RPS6KC1: variants seen among roughly 807,000 people sequenced by gnomAD.
RPS6KC1 encodes the protein ribosomal protein S6 kinase C1.
In RPS6KC1, 54 loss-of-function variants were observed where a neutral mutation model predicts 103.8. That is an observed-to-expected ratio of 0.52 (90% CI 0.42 to 0.65). RPS6KC1 has a LOEUF of 0.65. Ranked by LOEUF, RPS6KC1 falls within the 30% of genes least tolerant of loss-of-function variation. RPS6KC1 has a pLI of 0.00. For missense variants in RPS6KC1, 1,151 were observed against 1,253.8 expected, an observed-to-expected ratio of 0.92 and a Z score of 1.24; for synonymous variants, 439 against 438.7, an observed-to-expected ratio of 1.00 and a Z score of -0.01.
Position 213,240,653 on chromosome 1 carries a change from A to G in RPS6KC1, c.1226-49A>G, listed in dbSNP as rs748993010. The G allele has an allele frequency of 2.7e-6, 4 of 1,472,946 alleles. No homozygotes were observed. In the Admixed American group the frequency reaches 6.6e-5, roughly 24 times the overall value. 91.2% of individuals were successfully genotyped at this position (1,472,946 alleles called of 1,614,324 possible). A position where few individuals can be genotyped will look rare whatever the true frequency, so the allele number is the denominator to read the frequency against. ...TTTTCTAATGGCTTAAATAACTGTCAATTTGGAGATCTTAATACTTTTGTT... is the reference window on the plus strand; with the variant it reads ...TTTTCTAATGGCTTAAATAACTGTCGATTTGGAGATCTTAATACTTTTGTT... On this transcript the variant is annotated intron_variant, in intron 10 of 14. Coordinates refer to ENST00000366960, the MANE Select transcript of RPS6KC1 (RefSeq NM_012424.6).
the RPS6KC1 span, among the ~76,000 whole-genome samples, chr1:213,664,192 C>CGG: frequency 2.3e-4 from 7 of 29,870 alleles, no homozygotes; most frequent in Admixed American, 1.2e-3. Context: ...AAGAAATGAG[C>CGG]GGGGGGGCGG....
At chr1:213,790,521 A>C in the RPS6KC1 span, among the ~76,000 whole-genome samples, 2 of 152,336 alleles carry the variant, frequency 1.3e-5, no homozygotes, top group Admixed American at 6.5e-5. Context: ...ACATCTGTCC[A>C]GGTAAAAAGA....
the RPS6KC1 span, among the ~76,000 whole-genome samples, chr1:213,283,688 T>C: frequency 6.6e-6 from 1 of 152,290 alleles, no homozygotes; most frequent in South Asian, 2.1e-4. Context: ...CTGCCAGCAC[T>C]GCCTTCTAGT....
chr1:213,243,355 A>G (rs1488679409), intron 12 of RPS6KC1, among the ~76,000 whole-genome samples: 1 of 152,046 alleles, frequency 6.6e-6, no homozygotes, highest in Non-Finnish European at 1.5e-5. Context: ...CCTGGCCTCA[A>G]GCAATCCTCC....
At chr1:213,284,175 G>A in the RPS6KC1 span, among the ~76,000 whole-genome samples, 1 of 152,096 alleles carries the variant, frequency 6.6e-6, no homozygotes, top group Admixed American at 6.5e-5. Flanking sequence ...GAAAAAATTA[G>A]AAATTAAAGA....
the RPS6KC1 span, among the ~76,000 whole-genome samples, chr1:213,551,227 A>G: frequency 1.3e-5 from 2 of 152,182 alleles, no homozygotes; most frequent in African/African-American, 4.8e-5. Flanking sequence ...TGGCCACAGG[A>G]GAGACAGAGA....
At chr1:213,322,665 T>G in the RPS6KC1 span, among the ~76,000 whole-genome samples, 40 of 152,188 alleles carry the variant, frequency 2.6e-4, no homozygotes, top group Non-Finnish European at 4.1e-4. Context: ...GAGTCCATTT[T>G]CTAGACTTTT....
chr1:213,599,780 G>A, the RPS6KC1 span, among the ~76,000 whole-genome samples: 1 of 152,162 alleles, frequency 6.6e-6, no homozygotes, highest in Non-Finnish European at 1.5e-5. Context: ...CTTATGAAAT[G>A]GATCAGAATG....
intron 3 of RPS6KC1, among the ~76,000 whole-genome samples, chr1:213,098,491 A>G (rs1321376606): frequency 4.0e-5 from 6 of 151,650 alleles, no homozygotes; most frequent in Admixed American, 1.3e-4. Context: ...TCTTCCTTTC[A>G]CTTGAACACT....
chr1:213,533,932 A>C, the RPS6KC1 span, among the ~76,000 whole-genome samples: 19,092 of 152,216 alleles, frequency 0.13, 1,915 homozygotes, highest in East Asian at 0.28. Flanking sequence ...CAGTCGATCA[A>C]GGAAGGGACC....
the RPS6KC1 span, among the ~76,000 whole-genome samples, chr1:213,407,811 T>A: frequency 1.3e-5 from 2 of 152,212 alleles, no homozygotes; most frequent in African/African-American, 4.8e-5. Flanking sequence ...AGATATGTGT[T>A]CTGACTGGAC....
At chr1:213,214,768 T>A (rs922101793) in intron 8 of RPS6KC1, among the ~76,000 whole-genome samples, 4 of 152,004 alleles carry the variant, frequency 2.6e-5, no homozygotes, top group African/African-American at 9.7e-5. Flanking sequence ...GCAAACAGGG[T>A]CTGGAGTGGA....
chr1:213,109,176 G>A (rs1163155352), intron 4 of RPS6KC1, among the ~76,000 whole-genome samples: 1 of 152,154 alleles, frequency 6.6e-6, no homozygotes, highest in African/African-American at 2.4e-5. Flanking sequence ...TCGCTCTGTT[G>A]CCCAGGCTGG....
At chr1:213,129,958 A>G (rs1011173612) in intron 6 of RPS6KC1, 69 bp downstream of exon 6, 22 of 1,400,650 alleles carry the variant, frequency 1.6e-5, no homozygotes, top group East Asian at 4.6e-5. Context: ...AAGTACATAC[A>G]TATATCTTCT....
the RPS6KC1 span, among the ~76,000 whole-genome samples, chr1:213,707,891 A>G: frequency 4.6e-5 from 7 of 152,260 alleles, no homozygotes; most frequent in South Asian, 1.5e-3. Context: ...GTTCTGCTCC[A>G]TTAGTCTATA....
intron 2 of RPS6KC1, among the ~76,000 whole-genome samples, chr1:213,076,909 G>T (rs1216099025): frequency 2.8e-5 from 4 of 145,052 alleles, no homozygotes; most frequent in Admixed American, 2.1e-4. Context: ...TTACTCTGTT[G>T]CTGAGGCTGG....
the RPS6KC1 span, among the ~76,000 whole-genome samples, chr1:213,468,829 A>T: frequency 6.6e-6 from 1 of 152,106 alleles, no homozygotes; most frequent in African/African-American, 2.4e-5. Context: ...AGTGCCCTTC[A>T]CTCACGATGT....
At chr1:213,522,747 T>C in the RPS6KC1 span, among the ~76,000 whole-genome samples, 1 of 152,230 alleles carries the variant, frequency 6.6e-6, no homozygotes, top group Non-Finnish European at 1.5e-5. Context: ...TCCTCACCTC[T>C]GTCAGCCTTC....
chr1:213,186,067 A>G (rs2092514427), intron 8 of RPS6KC1, among the ~76,000 whole-genome samples: 1 of 151,480 alleles, frequency 6.6e-6, no homozygotes, highest in South Asian at 2.1e-4. Context: ...CTCACTTTTC[A>G]TTTTCTATAT....
Sources: gnomAD v4.1 joint callset for allele counts (sites outside exome capture counted in the v4.1 genomes callset) on GRCh38, gnomAD v4.1.1 for gene constraint, MANE v1.5 for transcripts, NCBI Gene and HGNC (gene_info 2026-07-23, HGNC 2026-07-21) for gene names.